The following NKAIN2 variants were observed in gnomAD, a reference collection of about 807,000 sequenced individuals.
NKAIN2 encodes the protein sodium/potassium transporting ATPase interacting 2.
In NKAIN2, 14 loss-of-function variants were observed where a neutral mutation model predicts 32.6. The ratio of observed to expected loss-of-function variants is 0.43; its 90% CI spans 0.28 to 0.67. The LOEUF (loss-of-function observed/expected upper bound fraction) is 0.67, where lower values mean the gene tolerates loss of function less well. Ranked by LOEUF, NKAIN2 falls within the 30% of genes least tolerant of loss-of-function variation. The pLI is 0.17. For synonymous variants in NKAIN2, 80 were observed against 87.2 expected, an observed-to-expected ratio of 0.92 and a Z score of 0.46; for missense variants, 198 against 258.3, an observed-to-expected ratio of 0.77 and a Z score of 1.60.
intron 1 of NKAIN2, among the ~76,000 whole-genome samples, chr6:123,960,731 G>A (rs1777806913): frequency 6.6e-6 from 1 of 151,762 alleles, no homozygotes; most frequent in South Asian, 2.1e-4. Context: ...TTTGTATGTG[G>A]TAGAGGGTCT....
At chr6:124,440,348 G>C (rs545620513) in intron 3 of NKAIN2, among the ~76,000 whole-genome samples, 36 of 152,036 alleles carry the variant, frequency 2.4e-4, no homozygotes, top group Non-Finnish European at 4.1e-4. Context: ...TAATGGGATA[G>C]ACTTAAGCTC....
chr6:124,466,442 C>G (rs1363177950), intron 3 of NKAIN2, among the ~76,000 whole-genome samples: 1 of 151,994 alleles, frequency 6.6e-6, no homozygotes, highest in African/African-American at 2.4e-5. Context: ...CTGCCCTTGG[C>G]CTCATTTCAG....
intron 3 of NKAIN2, among the ~76,000 whole-genome samples, chr6:124,586,008 G>C (rs1036547581): frequency 1.3e-5 from 2 of 152,126 alleles, no homozygotes; most frequent in African/African-American, 2.4e-5. Context: ...TTAAGTCTAT[G>C]ATTTATTTTA....
At chr6:124,263,342 A>G (rs1794336607) in intron 1 of NKAIN2, among the ~76,000 whole-genome samples, 1 of 152,192 alleles carries the variant, frequency 6.6e-6, no homozygotes, top group Non-Finnish European at 1.5e-5. Flanking sequence ...CTACAAATTC[A>G]GAAGTTTAGA....
intron 4 of NKAIN2, among the ~76,000 whole-genome samples, chr6:124,748,198 A>G (rs1333244207): frequency 2.0e-5 from 3 of 151,944 alleles, no homozygotes; most frequent in African/African-American, 7.2e-5. Flanking sequence ...CCATATCAAC[A>G]ATTACCTGTA....
intron 1 of NKAIN2, among the ~76,000 whole-genome samples, chr6:124,204,022 T>C (rs1170181319): frequency 6.6e-6 from 1 of 151,906 alleles, no homozygotes. Flanking sequence ...GCACACACTA[T>C]TGCAGCATCT....
chr6:124,490,952 A>C (rs1475989621), intron 3 of NKAIN2, among the ~76,000 whole-genome samples: 2 of 151,908 alleles, frequency 1.3e-5, no homozygotes, highest in Non-Finnish European at 2.9e-5. Flanking sequence ...CAACTCATTT[A>C]TTTTAGAAGC....
chr6:124,487,733 T>C (rs1449850827), intron 3 of NKAIN2, among the ~76,000 whole-genome samples: 2 of 152,134 alleles, frequency 1.3e-5, no homozygotes, highest in Non-Finnish European at 2.9e-5. Flanking sequence ...TGAAGGATTA[T>C]GGAGTTTTGC....
At chr6:124,009,495 G>C (rs55635403) in intron 1 of NKAIN2, among the ~76,000 whole-genome samples, 1,567 of 152,220 alleles carry the variant, frequency 0.01, 26 homozygotes, top group African/African-American at 0.036. Flanking sequence ...GGCGGCTTAC[G>C]ATGTGGCAGC....
chr6:124,377,015 A>G (rs753533175), intron 3 of NKAIN2, among the ~76,000 whole-genome samples: 73 of 152,210 alleles, frequency 4.8e-4, no homozygotes, highest in Non-Finnish European at 9.4e-4. Context: ...ACAGCAATAT[A>G]TTCTATCACC....
intron 2 of NKAIN2, among the ~76,000 whole-genome samples, chr6:124,321,681 A>G (rs2626122): frequency 0.058 from 8,847 of 152,118 alleles, 513 homozygotes; most frequent in African/African-American, 0.15. Flanking sequence ...TTGCTTTCAT[A>G]CTATAAAAGA....
intron 1 of NKAIN2, among the ~76,000 whole-genome samples, chr6:124,188,123 A>G (rs1211486720): frequency 6.6e-6 from 1 of 152,088 alleles, no homozygotes; most frequent in African/African-American, 2.4e-5. Context: ...CCACAGTTCT[A>G]GAGCTCAGGA....
chr6:123,836,573 A>C (rs1464372384), intron 1 of NKAIN2, among the ~76,000 whole-genome samples: 1 of 152,092 alleles, frequency 6.6e-6, no homozygotes, highest in African/African-American at 2.4e-5. Context: ...AGGAACCGTC[A>C]CAATTTGGAA....
At chr6:123,830,157 C>T (rs547733348) in intron 1 of NKAIN2, among the ~76,000 whole-genome samples, 1 of 152,216 alleles carries the variant, frequency 6.6e-6, no homozygotes, top group East Asian at 1.9e-4. Context: ...CTGGGTTCAT[C>T]TCTTCTTAGT....
At chr6:124,066,862 TTGTGTGTGTGTGTGTGTGTG>T (rs10574288) in intron 1 of NKAIN2, among the ~76,000 whole-genome samples, 4 of 149,612 alleles carry the variant, frequency 2.7e-5, no homozygotes, top group African/African-American at 9.8e-5. Flanking sequence ...TTTGCTGCGT[TTGTGTGTGTGTGTGTGTGTG>T]TGTGTGTGTG....
chr6:123,810,031 A>G (rs1019650358), intron 1 of NKAIN2, among the ~76,000 whole-genome samples: 1 of 152,148 alleles, frequency 6.6e-6, no homozygotes, highest in Non-Finnish European at 1.5e-5. Context: ...TAATAATGAA[A>G]ACTATTATTT....
At chr6:124,102,311 G>T (rs1784923631) in intron 1 of NKAIN2, among the ~76,000 whole-genome samples, 1 of 152,162 alleles carries the variant, frequency 6.6e-6, no homozygotes, top group African/African-American at 2.4e-5. Context: ...CTCACTATTG[G>T]GTTTGCCATT....
At chr6:124,331,961 A>G (rs1165004078) in intron 2 of NKAIN2, among the ~76,000 whole-genome samples, 2 of 152,206 alleles carry the variant, frequency 1.3e-5, no homozygotes, top group Non-Finnish European at 2.9e-5. Flanking sequence ...ACTTTTCAGC[A>G]TTGAATCATA....
Position 124,337,576 on chromosome 6 carries a change from A to T in NKAIN2, c.193-17691A>T, listed in dbSNP as rs150285465. ...CACCTAGTTTAGAATTCTGTAAGAGAAATGCAAACCGAGTGATCACTGCCT... is the reference window on the plus strand; with the variant it reads ...CACCTAGTTTAGAATTCTGTAAGAGTAATGCAAACCGAGTGATCACTGCCT... On this transcript the variant is annotated intron_variant, in intron 2 of 6. Transcript: ENST00000368417. Among the ~76,000 whole-genome samples the T allele has an allele frequency of 4.6e-5, 7 of 152,322 alleles. No individual in the cohort carries two copies. The East Asian group carries it at 1.4e-3, about 29-fold the overall frequency.
Sources: gnomAD v4.1 joint callset for allele counts (sites outside exome capture counted in the v4.1 genomes callset) on GRCh38, gnomAD v4.1.1 for gene constraint, MANE v1.5 for transcripts, NCBI Gene and HGNC (gene_info 2026-07-23, HGNC 2026-07-21) for gene names.